PTPRD: variants seen among roughly 807,000 people sequenced by gnomAD.
PTPRD encodes protein tyrosine phosphatase receptor type D.
PTPRD carries 34 observed loss-of-function variants against 214.5 expected under a neutral mutation model. The observed-to-expected ratio is 0.16, with a 90% CI of 0.12 to 0.21. The LOEUF (loss-of-function observed/expected upper bound fraction) is 0.21. Among genes scored for constraint, PTPRD ranks in the 10% least tolerant of loss-of-function variants. The probability of loss-of-function intolerance (pLI) is 1.00; values close to 1 mark genes in which losing one functional copy is unlikely to be tolerated. For synonymous variants in PTPRD, 1,128 were observed against 845.7 expected (o/e 1.33, Z -5.79); for missense variants, 2,545 against 2,398.7 (o/e 1.06, Z -1.27).
rs765949020 is a variant in PTPRD, at chr9:8,525,106, T to C, written c.569-71A>G. 18 of 1,307,896 alleles carry C rather than the reference T, an allele frequency of 1.4e-5. No individual in the cohort carries two copies. The East Asian group carries it at 3.9e-4, about 28-fold the overall frequency. The allele number at this position is 1,307,896 out of a possible 1,614,324, so 81.0% of individuals were successfully genotyped here. On this transcript the variant is annotated intron_variant, in intron 17 of 45. Transcript: ENST00000381196. ...CTTTCTCAGTTCAGAAAGCTAAACC[T>C]CTTAACAATATGAAAAGCCCTGCAA...
intron 12 of PTPRD, among the ~76,000 whole-genome samples, chr9:8,652,459 A>G (rs984558718): frequency 6.6e-6 from 1 of 152,206 alleles, no homozygotes; most frequent in Non-Finnish European, 1.5e-5. Context: ...GCCCCCTGCT[A>G]TCCTTAGAAC....
At chr9:9,641,219 T>A (rs571192600) in intron 7 of PTPRD, among the ~76,000 whole-genome samples, 92 of 152,346 alleles carry the variant, frequency 6.0e-4, no homozygotes, top group African/African-American at 2.2e-3. Flanking sequence ...ATCATGATAC[T>A]CTTGAGTGTT....
At chr9:10,027,660 T>C (rs535453774) in intron 4 of PTPRD, among the ~76,000 whole-genome samples, 4 of 152,312 alleles carry the variant, frequency 2.6e-5, no homozygotes, top group Admixed American at 1.3e-4. Context: ...ATTTTGAGCA[T>C]TGAACTTGTC....
At chr9:10,483,683 G>A (rs568102811) in intron 2 of PTPRD, among the ~76,000 whole-genome samples, 1 of 152,042 alleles carries the variant, frequency 6.6e-6, no homozygotes, top group Non-Finnish European at 1.5e-5. Flanking sequence ...AGCACTCAAT[G>A]TCACTAATCA....
intron 11 of PTPRD, among the ~76,000 whole-genome samples, chr9:8,770,343 T>TAA (rs375131231): frequency 4.3e-4 from 61 of 142,150 alleles, no homozygotes; most frequent in African/African-American, 5.4e-4. Flanking sequence ...GATAGTGTAA[T>TAA]AAAAAAAAAA....
intron 43 of PTPRD, among the ~76,000 whole-genome samples, chr9:8,337,935 C>T (rs1848587694): frequency 6.6e-6 from 1 of 151,616 alleles, no homozygotes; most frequent in Admixed American, 6.6e-5. Context: ...TAACTGCTGC[C>T]TTGAATACTG....
chr9:9,007,811 T>C (rs911909231), intron 11 of PTPRD, among the ~76,000 whole-genome samples: 9 of 149,856 alleles, frequency 6.0e-5, no homozygotes, highest in African/African-American at 1.9e-4. Flanking sequence ...TTTTTTTTTT[T>C]ACACCATAAA....
chr9:9,792,502 C>G (rs1413859490), intron 5 of PTPRD, among the ~76,000 whole-genome samples: 1 of 152,026 alleles, frequency 6.6e-6, no homozygotes, highest in African/African-American at 2.4e-5. Flanking sequence ...CCCATTTACC[C>G]CACTGGCATT....
chr9:10,544,727 T>G (rs2130810992), intron 2 of PTPRD, among the ~76,000 whole-genome samples: 1 of 152,340 alleles, frequency 6.6e-6, no homozygotes, highest in East Asian at 1.9e-4. Flanking sequence ...GTAGGTTTTC[T>G]TCCTACTGAA....
At chr9:9,768,945 G>A (rs1490060754) in intron 5 of PTPRD, among the ~76,000 whole-genome samples, 2 of 152,080 alleles carry the variant, frequency 1.3e-5, no homozygotes, top group Non-Finnish European at 2.9e-5. Flanking sequence ...CATTATAATC[G>A]GATTAAGGTT....
chr9:9,422,192 C>G lies in PTPRD; in HGVS notation c.-236-24710G>C, dbSNP rs373692214. On this transcript the variant is annotated intron_variant, in intron 8 of 45. Coordinates refer to ENST00000381196, the MANE Select transcript of PTPRD (RefSeq NM_002839.4). ...TATGTGAGATAAGTACAATTATTAT[C>G]TTTATTTTAAAGATGAGAAAGCTGA... Among the ~76,000 whole-genome samples the G allele has an allele frequency of 2.8e-4, 42 of 152,134 alleles. 1 individual carries two copies. The highest frequency in any genetic ancestry group is 9.6e-4 in the African/African-American group (40 of 41,528).
intron 8 of PTPRD, among the ~76,000 whole-genome samples, chr9:9,449,142 A>T (rs2091392783): frequency 6.6e-6 from 1 of 152,074 alleles, no homozygotes; most frequent in Non-Finnish European, 1.5e-5. Context: ...ATTCCAGAAC[A>T]GTGAATTCTT....
At chr9:8,789,930 G>A (rs537121104) in intron 11 of PTPRD, among the ~76,000 whole-genome samples, 2 of 152,236 alleles carry the variant, frequency 1.3e-5, no homozygotes, top group South Asian at 4.1e-4. Flanking sequence ...GAACCATATG[G>A]AAATGACAGA....
chr9:10,069,972 G>C (rs1050342462), intron 3 of PTPRD, among the ~76,000 whole-genome samples: 49 of 152,106 alleles, frequency 3.2e-4, no homozygotes, highest in African/African-American at 1.0e-3. Flanking sequence ...TATGTGCCAT[G>C]AACACACTGA....
intron 9 of PTPRD, among the ~76,000 whole-genome samples, chr9:9,325,084 G>A (rs959071218): frequency 6.6e-6 from 1 of 152,122 alleles, no homozygotes; most frequent in East Asian, 1.9e-4. Context: ...ACGCTGTTTT[G>A]GTTACTGTAG....
chr9:8,715,598 T>A (rs947959505), intron 12 of PTPRD, among the ~76,000 whole-genome samples: 1 of 152,186 alleles, frequency 6.6e-6, no homozygotes, highest in Admixed American at 6.5e-5. Context: ...CACCACACCA[T>A]ATTTCTTCTA....
At chr9:9,761,204 C>A (rs1303294750) in intron 6 of PTPRD, among the ~76,000 whole-genome samples, 1 of 152,010 alleles carries the variant, frequency 6.6e-6, no homozygotes, top group Non-Finnish European at 1.5e-5. Context: ...GAATGCTGAT[C>A]AAAAATAAAA....
chr9:9,896,025 G>A (rs922920192), intron 5 of PTPRD, among the ~76,000 whole-genome samples: 3 of 151,952 alleles, frequency 2.0e-5, no homozygotes, highest in Admixed American at 1.3e-4. Flanking sequence ...TACTGCAAAC[G>A]AGATGACTAC....
intron 30 of PTPRD, among the ~76,000 whole-genome samples, chr9:8,472,015 T>G (rs1056892941): frequency 6.6e-6 from 1 of 152,144 alleles, no homozygotes; most frequent in African/African-American, 2.4e-5. Flanking sequence ...TAATCTGGTT[T>G]TGTCCTCCTA....
Sources: gnomAD v4.1 joint callset for allele counts (sites outside exome capture counted in the v4.1 genomes callset) on GRCh38, gnomAD v4.1.1 for gene constraint, MANE v1.5 for transcripts, NCBI Gene and HGNC (gene_info 2026-07-23, HGNC 2026-07-21) for gene names.